KCNH8: variants seen among roughly 807,000 people sequenced by gnomAD.
KCNH8 encodes the protein voltage-gated delayed rectifier potassium channel KCNH8.
KCNH8 carries 70 observed loss-of-function variants against 103.6 expected under a neutral mutation model. That is an observed-to-expected ratio of 0.68 (90% CI 0.56 to 0.82). The LOEUF is 0.82. Among genes scored for constraint, KCNH8 ranks in the 40% least tolerant of loss-of-function variants. KCNH8 has a pLI of 0.00. For missense variants in KCNH8, 1,217 were observed against 1,329.9 expected, an observed-to-expected ratio of 0.92 and a Z score of 1.32; for synonymous variants, 498 against 489.4, an observed-to-expected ratio of 1.02 and a Z score of -0.23.
At chr3:19,492,830 CGTGTGTGTGTGTGTGT>C (rs67383228) in intron 11 of KCNH8, among the ~76,000 whole-genome samples, 1,730 of 123,502 alleles carry the variant, frequency 0.014, 24 homozygotes, top group East Asian at 0.052. Flanking sequence ...AATGTTTTTT[CGTGTGTGTGTGTGTGT>C]GTGTGTGTGT....
chr3:19,272,289 C>T (rs1473098305), intron 2 of KCNH8, among the ~76,000 whole-genome samples: 3 of 151,890 alleles, frequency 2.0e-5, no homozygotes, highest in Non-Finnish European at 2.9e-5. Context: ...GGTACAATGA[C>T]AAGAAGAAGG....
chr3:19,175,300 C>G (rs995208550), intron 1 of KCNH8, among the ~76,000 whole-genome samples: 7 of 150,904 alleles, frequency 4.6e-5, no homozygotes, highest in African/African-American at 1.7e-4. Context: ...CGGCTCCCTG[C>G]AAGCTCCGCC....
At chr3:19,334,425 A>G (rs1434086248) in intron 3 of KCNH8, among the ~76,000 whole-genome samples, 1 of 152,178 alleles carries the variant, frequency 6.6e-6, no homozygotes, top group African/African-American at 2.4e-5. Flanking sequence ...CCTGGGCCAT[A>G]CAGCAAAACC....
At chr3:19,298,422 A>G (rs1425199568) in intron 3 of KCNH8, among the ~76,000 whole-genome samples, 3 of 152,212 alleles carry the variant, frequency 2.0e-5, no homozygotes, top group Non-Finnish European at 4.4e-5. Context: ...ACAAAATAGT[A>G]TATCTTTCAT....
chr3:19,500,295 A>G (rs1181581591), intron 11 of KCNH8, among the ~76,000 whole-genome samples: 1 of 152,188 alleles, frequency 6.6e-6, no homozygotes, highest in Non-Finnish European at 1.5e-5. Context: ...GCAAGTCCTG[A>G]GTGACCTACA....
chr3:19,301,996 C>T (rs1200119529), intron 3 of KCNH8, among the ~76,000 whole-genome samples: 1 of 152,170 alleles, frequency 6.6e-6, no homozygotes, highest in African/African-American at 2.4e-5. Context: ...AGACTCGTGG[C>T]ACATGGATAT....
At chr3:19,177,084 G>A (rs191972197) in intron 1 of KCNH8, among the ~76,000 whole-genome samples, 2 of 152,180 alleles carry the variant, frequency 1.3e-5, no homozygotes, top group African/African-American at 4.8e-5. Context: ...ACACTAGACA[G>A]TACTTCAGCA....
chr3:19,166,403 C>T (rs2063283831), intron 1 of KCNH8, among the ~76,000 whole-genome samples: 1 of 152,094 alleles, frequency 6.6e-6, no homozygotes, highest in Non-Finnish European at 1.5e-5. Flanking sequence ...AAAAAATACA[C>T]TTTTGTATAA....
chr3:19,221,844 C>CT (rs563088589), intron 1 of KCNH8, among the ~76,000 whole-genome samples: 166 of 143,486 alleles, frequency 1.2e-3, no homozygotes, highest in South Asian at 2.9e-3. Flanking sequence ...ACTAGCATTC[C>CT]TTTTTTTTTT....
At chr3:19,262,229 A>G (rs2064446295) in intron 2 of KCNH8, among the ~76,000 whole-genome samples, 1 of 151,922 alleles carries the variant, frequency 6.6e-6, no homozygotes, top group Non-Finnish European at 1.5e-5. Flanking sequence ...AATTCTTCCA[A>G]TCCATGAGCA....
Position 19,390,580 on chromosome 3 carries a change from T to C in KCNH8, c.911T>C (p.Ile304Thr). The C allele has an allele frequency of 6.2e-7, 1 of 1,613,552 alleles. No individual in the cohort carries two copies. Among genetic ancestry groups the C allele is most frequent in the East Asian group, 2.2e-5 (1 of 44,850 alleles). The change falls in exon 6 of 16, where the codon ATC (isoleucine) becomes ACC (threonine). Residue 304 changes from isoleucine to threonine, a missense_variant. Physicochemically the swap from Ile to Thr is moderately conservative, Grantham distance 89. This residue lies in a region of KCNH8 where 415 missense variants were observed against 577.4 expected (regional missense o/e 0.72). Coordinates refer to ENST00000328405, the MANE Select transcript of KCNH8 (RefSeq NM_144633.3). ...ICIHYVTTWFIIDLIAALPFD... is the reference protein window; with the variant it reads ...ICIHYVTTWFTIDLIAALPFD... Reference sequence around the variant, plus strand: ...ATCCACTATGTCACAACCTGGTTCATCATTGATTTAATCGCTGCCCTGCCT... The same window carrying C: ...ATCCACTATGTCACAACCTGGTTCACCATTGATTTAATCGCTGCCCTGCCT...
chr3:19,290,619 G>C (rs1162686181), intron 3 of KCNH8, among the ~76,000 whole-genome samples: 7 of 152,196 alleles, frequency 4.6e-5, no homozygotes, highest in Admixed American at 3.9e-4. Flanking sequence ...GCTGGATAAC[G>C]TTTTTGATGT....
chr3:19,353,962 C>G (rs2065842554), intron 5 of KCNH8, among the ~76,000 whole-genome samples: 1 of 152,184 alleles, frequency 6.6e-6, no homozygotes, highest in South Asian at 2.1e-4. Flanking sequence ...TTGCAGGTGA[C>G]ATGATTGTAT....
intron 3 of KCNH8, among the ~76,000 whole-genome samples, chr3:19,332,841 C>A (rs2065530283): frequency 6.6e-6 from 1 of 152,114 alleles, no homozygotes; most frequent in African/African-American, 2.4e-5. Context: ...TCATGTTGAA[C>A]AGGCTGGTCT....
intron 3 of KCNH8, among the ~76,000 whole-genome samples, chr3:19,288,919 A>G (rs1478836953): frequency 6.6e-6 from 1 of 152,104 alleles, no homozygotes; most frequent in East Asian, 1.9e-4. Context: ...AATGATTGCC[A>G]TTCTAACTGG....
intron 1 of KCNH8, among the ~76,000 whole-genome samples, chr3:19,223,417 A>C (rs2063896915): frequency 6.6e-6 from 1 of 152,178 alleles, no homozygotes. Context: ...GCCTCTAATA[A>C]AATAGTTGCC....
intron 1 of KCNH8, among the ~76,000 whole-genome samples, chr3:19,175,335 C>T (rs926294645): frequency 1.3e-5 from 2 of 151,570 alleles, no homozygotes; most frequent in Non-Finnish European, 1.5e-5. Flanking sequence ...CATTCTCCTG[C>T]CTCAGCCTCC....
intron 1 of KCNH8, among the ~76,000 whole-genome samples, chr3:19,235,267 G>A (rs1181101917): frequency 6.6e-6 from 1 of 152,032 alleles, no homozygotes; most frequent in African/African-American, 2.4e-5. Flanking sequence ...CATCGGGAGG[G>A]GGTAACTTCA....
intron 5 of KCNH8, among the ~76,000 whole-genome samples, chr3:19,373,708 C>T (rs1418838644): frequency 6.6e-6 from 1 of 151,450 alleles, no homozygotes; most frequent in Non-Finnish European, 1.5e-5. Flanking sequence ...GTTAGGGTGT[C>T]AATTTTGGAT....
Sources: allele counts gnomAD v4.1 joint callset (sites outside exome capture counted in the v4.1 genomes callset), GRCh38; gene constraint gnomAD v4.1.1; regional missense constraint gnomAD v4.1.1; transcripts MANE v1.5; gene names NCBI Gene and HGNC (gene_info 2026-07-23, HGNC 2026-07-21).